CAMK2D: variants seen among roughly 807,000 people sequenced by gnomAD.
CAMK2D encodes calcium/calmodulin-dependent protein kinase type II subunit delta.
Under a neutral mutation model 84.0 loss-of-function variants are expected in CAMK2D, and 37 were observed. The ratio of observed to expected loss-of-function variants is 0.44; its 90% CI spans 0.34 to 0.58. The LOEUF (loss-of-function observed/expected upper bound fraction) is 0.58. Ranked by LOEUF, CAMK2D falls within the 20% of genes least tolerant of loss-of-function variation. The pLI is 0.02. For missense variants in CAMK2D, 448 were observed against 652.5 expected (o/e 0.69, Z 3.41); for synonymous variants, 202 against 212.5 (o/e 0.95, Z 0.43).
rs1191216260 is a variant in CAMK2D at position 113,724,570 on chromosome 4, C to CA, written c.160+34749dup. The stretch of plus-strand genomic sequence containing the variant: ...CATAAAGCACCAATAAAGTAGAAAA[C>CA]AAAAAAAAAGCCTCCCAATCTCTTG... On this transcript the variant is annotated intron_variant, in intron 2 of 20. Transcript: ENST00000511664. Among the ~76,000 whole-genome samples, 26 of 149,528 alleles carry CA rather than the reference C, an allele frequency of 1.7e-4. 1 individual carries two copies. Among genetic ancestry groups the CA allele is most frequent in the South Asian group, 6.3e-4 (3 of 4,726 alleles).
chr4:113,514,937 C>A, intron 10 of CAMK2D, 132 bp downstream of exon 10: 3 of 862,070 alleles, frequency 3.5e-6, no homozygotes, highest in Non-Finnish European at 5.5e-6. Context: ...TTCTTAAACA[C>A]CTCGAGTCAA....
chr4:113,706,711 T>C (rs1243680268), intron 2 of CAMK2D, among the ~76,000 whole-genome samples: 1 of 152,186 alleles, frequency 6.6e-6, no homozygotes, highest in Non-Finnish European at 1.5e-5. Context: ...TAAATTCCCA[T>C]CAGCAAATAA....
rs189342902 is a variant in CAMK2D, at chr4:113,731,663, G to A, written c.160+27657C>T. Among the ~76,000 whole-genome samples, 318 of 145,744 alleles carry A rather than the reference G, an allele frequency of 2.2e-3. 1 individual carries two copies. The highest frequency in any genetic ancestry group is 7.9e-3 in the African/African-American group (307 of 39,038). On this transcript the variant is annotated intron_variant, in intron 2 of 20. Coordinates refer to ENST00000511664, the MANE Select transcript of CAMK2D (RefSeq NM_001321571.2). ...TGCAATGGCGTGATCTTGGCTCACT[G>A]CAACCTCCGCCTCCCGGGTTCGAGT...
intron 15 of CAMK2D, among the ~76,000 whole-genome samples, chr4:113,501,698 C>T (rs1324568852): frequency 6.6e-6 from 1 of 151,974 alleles, no homozygotes; most frequent in Non-Finnish European, 1.5e-5. Flanking sequence ...TGAAGGTAAA[C>T]CCATGCACTG....
chr4:113,672,720 T>C (rs2099295422), intron 2 of CAMK2D, among the ~76,000 whole-genome samples: 1 of 151,794 alleles, frequency 6.6e-6, no homozygotes, highest in South Asian at 2.1e-4. Context: ...ATTAATTTAA[T>C]TCTATATTCT....
intron 16 of CAMK2D, among the ~76,000 whole-genome samples, chr4:113,497,675 A>G (rs931528655): frequency 4.6e-5 from 7 of 152,168 alleles, no homozygotes; most frequent in African/African-American, 1.7e-4. Flanking sequence ...TTTACATTGG[A>G]GAGGACACAG....
intron 16 of CAMK2D, among the ~76,000 whole-genome samples, chr4:113,478,582 A>T (rs1017156070): frequency 6.6e-6 from 1 of 152,146 alleles, no homozygotes; most frequent in African/African-American, 2.4e-5. Context: ...CCACTTAAAA[A>T]ATCACAACAC....
chr4:113,699,892 A>C (rs886543126), intron 2 of CAMK2D, among the ~76,000 whole-genome samples: 2 of 152,186 alleles, frequency 1.3e-5, no homozygotes, highest in Non-Finnish European at 2.9e-5. Context: ...TTGATAATAC[A>C]AATGTTCCTT....
intron 3 of CAMK2D, among the ~76,000 whole-genome samples, chr4:113,652,841 A>T (rs2154303439): frequency 6.6e-6 from 1 of 152,262 alleles, no homozygotes; most frequent in South Asian, 2.1e-4. Flanking sequence ...TATGTACTAT[A>T]AGTAACTCTA....
intron 4 of CAMK2D, among the ~76,000 whole-genome samples, chr4:113,573,692 C>T (rs2098765754): frequency 1.3e-5 from 2 of 152,200 alleles, no homozygotes; most frequent in South Asian, 4.1e-4. Context: ...TTCCAGTGCA[C>T]ACCTTGAACT....
intron 3 of CAMK2D, among the ~76,000 whole-genome samples, chr4:113,648,341 T>C (rs996546266): frequency 6.6e-6 from 1 of 152,218 alleles, no homozygotes; most frequent in African/African-American, 2.4e-5. Flanking sequence ...AAGTCAAATT[T>C]TTACAAATAA....
At chr4:113,517,505 T>C in intron 9 of CAMK2D, 58 bp downstream of exon 9, 1 of 746,298 alleles carries the variant, frequency 1.3e-6, no homozygotes, top group Non-Finnish European at 2.3e-6. Flanking sequence ...ATCTGGCTCT[T>C]GGTCAACAGG....
intron 5 of CAMK2D, chr4:113,548,612 A>G (rs1307290021): frequency 9.8e-7 from 1 of 1,025,246 alleles, no homozygotes; most frequent in Non-Finnish European, 1.5e-6. Flanking sequence ...CCAGAAAAAA[A>G]AATAAAACTG....
intron 2 of CAMK2D, among the ~76,000 whole-genome samples, chr4:113,737,477 A>T (rs1424133287): frequency 1.3e-5 from 2 of 152,134 alleles, no homozygotes; most frequent in Non-Finnish European, 2.9e-5. Context: ...GTTGCCAGGG[A>T]CTCGGGGGAG....
chr4:113,619,121 G>T (rs2154275662), intron 3 of CAMK2D, among the ~76,000 whole-genome samples: 1 of 151,124 alleles, frequency 6.6e-6, no homozygotes, highest in African/African-American at 2.5e-5. Context: ...CATCTTTCCA[G>T]TTGCTCATAA....
chr4:113,684,635 A>C, intron 2 of CAMK2D, among the ~76,000 whole-genome samples: 1 of 152,190 alleles, frequency 6.6e-6, no homozygotes, highest in East Asian at 1.9e-4. Flanking sequence ...AGAACAGAGG[A>C]TGCACACTAT....
intron 4 of CAMK2D, among the ~76,000 whole-genome samples, chr4:113,569,651 G>A (rs188662584): frequency 6.6e-6 from 1 of 152,220 alleles, no homozygotes; most frequent in African/African-American, 2.4e-5. Context: ...GAATTTGAGA[G>A]AATTGGCCAA....
At chr4:113,711,050 G>A (rs890990733) in intron 2 of CAMK2D, among the ~76,000 whole-genome samples, 6 of 151,208 alleles carry the variant, frequency 4.0e-5, no homozygotes, top group East Asian at 1.9e-4. Context: ...CCTGACATAC[G>A]TTAAAGAGCC....
intron 3 of CAMK2D, among the ~76,000 whole-genome samples, chr4:113,640,415 G>C (rs1459389621): frequency 6.6e-6 from 1 of 152,162 alleles, no homozygotes; most frequent in Non-Finnish European, 1.5e-5. Flanking sequence ...TGTTACAAAA[G>C]CCAAAGGAGG....
Sources: allele counts gnomAD v4.1 joint callset (sites outside exome capture counted in the v4.1 genomes callset), GRCh38; gene constraint gnomAD v4.1.1; transcripts MANE v1.5; gene names NCBI Gene and HGNC (gene_info 2026-07-23, HGNC 2026-07-21).